The following SPPL3 variants were observed in gnomAD, a reference collection of about 807,000 sequenced individuals.
SPPL3 encodes signal peptide peptidase like 3.
A neutral mutation model predicts 42.4 loss-of-function variants in SPPL3; 5 were observed. The ratio of observed to expected loss-of-function variants is 0.12; its 90% CI spans 0.06 to 0.25. The LOEUF is 0.25. Among genes scored for constraint, SPPL3 ranks in the 10% least tolerant of loss-of-function variants. The pLI is 1.00. For missense variants in SPPL3, 235 were observed against 489.0 expected, an observed-to-expected ratio of 0.48 and a Z score of 4.90; for synonymous variants, 195 against 181.8, an observed-to-expected ratio of 1.07 and a Z score of -0.58.
At chr12:120,848,812 G>T (rs1202318551) in intron 1 of SPPL3, among the ~76,000 whole-genome samples, 2 of 152,094 alleles carry the variant, frequency 1.3e-5, no homozygotes, top group Admixed American at 6.5e-5. Context: ...TAAGAAAATA[G>T]TAAGGACAAA....
At chr12:120,843,920 T>G (rs1003130245) in intron 1 of SPPL3, among the ~76,000 whole-genome samples, 2 of 152,172 alleles carry the variant, frequency 1.3e-5, no homozygotes, top group Non-Finnish European at 2.9e-5. Flanking sequence ...GTCGCGCCAC[T>G]GCACTCCAGT....
Position 120,764,771 on chromosome 12 carries a change from C to T in SPPL3, c.*228G>A, listed in dbSNP as rs1274175485. The T allele has an allele frequency of 1.6e-5, 8 of 499,038 alleles. No individual in the cohort carries two copies. The Admixed American group carries it at 2.9e-4, about 18-fold the overall frequency. The allele number at this position is 499,038 out of a possible 1,614,324, so 30.9% of individuals were successfully genotyped here. ...AGGCGCGCTGGGGAGAGGCCTGTCC[C>T]TCTTGGAAGGGGCCCCACCTCTACA... is the stretch of plus-strand genomic sequence containing the variant. On this transcript the variant is annotated 3_prime_UTR_variant, in exon 11 of 11. Transcript: ENST00000353487.
chr12:120,864,337 C>A (rs894146826), intron 1 of SPPL3, among the ~76,000 whole-genome samples: 1 of 152,128 alleles, frequency 6.6e-6, no homozygotes, highest in Non-Finnish European at 1.5e-5. Context: ...GAGTTCAAGA[C>A]CAGCCTGGCC....
intron 1 of SPPL3, among the ~76,000 whole-genome samples, chr12:120,842,410 T>C (rs1871863153): frequency 1.3e-5 from 2 of 152,202 alleles, no homozygotes; most frequent in South Asian, 2.1e-4. Context: ...AGTTTACTCA[T>C]AGGTTATAAA....
At chr12:120,869,500 C>A (rs959389589) in intron 1 of SPPL3, among the ~76,000 whole-genome samples, 2 of 152,200 alleles carry the variant, frequency 1.3e-5, no homozygotes, top group African/African-American at 2.4e-5. Context: ...CAGACCTAAA[C>A]CCTGTCCATT....
chr12:120,783,677 T>C lies in SPPL3; in HGVS notation c.386A>G (p.Asn129Ser). The stretch of plus-strand genomic sequence containing the variant: ...GAGGAAAGTCCCAAGTCCTTACTTG[T>C]TCTGAGGTGAGCAGGGTCTTGTTAA... ...QYLTRPCSPQ[N>S]KISFGCCGRF... Residue 129 changes from asparagine to serine, a missense_variant, in exon 5 of 11, where the codon AAC (asparagine) becomes AGC (serine). By Grantham distance (46) the Asn-to-Ser change is conservative (BLOSUM62 1). Transcript: ENST00000353487. The C allele has an allele frequency of 1.9e-6, 3 of 1,612,172 alleles. No individual in the cohort carries two copies. The highest frequency in any genetic ancestry group is 1.1e-5 in the South Asian group (1 of 90,640).
At chr12:120,794,873 T>G (rs904345132) in intron 2 of SPPL3, among the ~76,000 whole-genome samples, 1 of 152,200 alleles carries the variant, frequency 6.6e-6, no homozygotes, top group Admixed American at 6.5e-5. Context: ...TCTCCTTTGT[T>G]GTCCTATGAG....
intron 1 of SPPL3, among the ~76,000 whole-genome samples, chr12:120,848,704 T>C (rs997324439): frequency 1.3e-5 from 2 of 152,214 alleles, no homozygotes; most frequent in Non-Finnish European, 2.9e-5. Flanking sequence ...TTCTCAAAAA[T>C]CACAATTAAA....
rs1394034120 is a variant in SPPL3, at chr12:120,850,513, AC to A, written c.24-39628del. Among the ~76,000 whole-genome samples the A allele has an allele frequency of 1.7e-3, 227 of 135,516 alleles. 23 individuals are homozygous for A. The highest frequency in any genetic ancestry group is 1.9e-3 in the Non-Finnish European group (122 of 63,840). 88.9% of individuals were successfully genotyped at this position (135,516 alleles called of 152,430 possible). ...CCTTTAAAAAAAAAAAAAAAAAAAAACAAAAGCCAAATGCTGCTATTCTGGA... is the reference window on the plus strand; with the variant it reads ...CCTTTAAAAAAAAAAAAAAAAAAAAAAAAAGCCAAATGCTGCTATTCTGGA... On this transcript the variant is annotated intron_variant, in intron 1 of 10. Transcript: ENST00000353487.
chr12:120,774,682 C>G (rs1260337244), intron 6 of SPPL3, among the ~76,000 whole-genome samples: 10 of 151,932 alleles, frequency 6.6e-5, no homozygotes, highest in African/African-American at 2.4e-4. Flanking sequence ...CAAGCAATGT[C>G]GTATTCCCAG....
At chr12:120,839,027 T>C (rs1871714249) in intron 1 of SPPL3, among the ~76,000 whole-genome samples, 1 of 152,144 alleles carries the variant, frequency 6.6e-6, no homozygotes, top group African/African-American at 2.4e-5. Flanking sequence ...CAAAGGACTA[T>C]AAATCACGCT....
chr12:120,857,753 C>T (rs1390946000), intron 1 of SPPL3, among the ~76,000 whole-genome samples: 5 of 152,054 alleles, frequency 3.3e-5, no homozygotes, highest in Non-Finnish European at 7.4e-5. Flanking sequence ...CACTCATAAG[C>T]GGGAACTGAA....
rs1020026493 is a variant in SPPL3 at position 120,766,190 on chromosome 12, C to A, written c.1083+73G>T. ...GGGGCTTAAGCAGAATCACCTCCAGCGAGGAGAGTGCAAACCGAGGCACAG... is the reference window on the plus strand; with the variant it reads ...GGGGCTTAAGCAGAATCACCTCCAGAGAGGAGAGTGCAAACCGAGGCACAG... On this transcript the variant is annotated intron_variant, in intron 10 of 10. Transcript: ENST00000353487. 10 of 1,245,056 alleles carry A rather than the reference C, an allele frequency of 8.0e-6. 1 individual carries two copies. Among genetic ancestry groups the A allele is most frequent in the African/African-American group, 3.0e-5 (2 of 66,472 alleles). 77.1% of individuals were successfully genotyped at this position (1,245,056 alleles called of 1,614,324 possible). A position where few individuals can be genotyped will look rare whatever the true frequency, so the allele number is the denominator to read the frequency against.
chr12:120,831,008 G>A (rs1036496250), intron 1 of SPPL3, among the ~76,000 whole-genome samples: 1 of 152,112 alleles, frequency 6.6e-6, no homozygotes, highest in African/African-American at 2.4e-5. Context: ...CCCCAGTGTG[G>A]GAGGGCATCA....
chr12:120,798,622 C>T (rs1264720438), intron 2 of SPPL3, among the ~76,000 whole-genome samples: 1 of 152,184 alleles, frequency 6.6e-6, no homozygotes, highest in Non-Finnish European at 1.5e-5. Context: ...GAAGACTGCT[C>T]CTTCCCTGTG....
chr12:120,817,558 G>A (rs543853082), intron 1 of SPPL3, among the ~76,000 whole-genome samples: 15 of 152,212 alleles, frequency 9.9e-5, no homozygotes, highest in Non-Finnish European at 1.8e-4. Context: ...ATCTTACCCT[G>A]GGTAGCAACT....
chr12:120,801,060 C>G (rs903216327), intron 2 of SPPL3, among the ~76,000 whole-genome samples: 2 of 152,152 alleles, frequency 1.3e-5, no homozygotes, highest in African/African-American at 4.8e-5. Context: ...GCTGGAAATA[C>G]AAGAATAGCT....
In SPPL3 at chr12:120,835,620, C is replaced by A. The variant is rs75636658; in HGVS notation, c.24-24734G>T. On this transcript the variant is annotated intron_variant, in intron 1 of 10. Transcript: ENST00000353487. ...AACTCTTCTCCCTCTTAAAAGATCT[C>A]TTCTATGTTGATAGTATCTTGAAAA... 6.6e-5 allele frequency: 10 copies of A among 152,338 alleles called. 1 individual carries two copies. In the East Asian group the frequency reaches 1.9e-3, roughly 29 times the overall value. The allele number at this position is 152,338 out of a possible 1,614,324, so 9.4% of individuals were successfully genotyped here. A position where few individuals can be genotyped will look rare whatever the true frequency, so the allele number is the denominator to read the frequency against.
At chr12:120,886,787 A>G (rs1264909896) in intron 1 of SPPL3, among the ~76,000 whole-genome samples, 1 of 152,152 alleles carries the variant, frequency 6.6e-6, no homozygotes, top group African/African-American at 2.4e-5. Flanking sequence ...CAGATCATAC[A>G]TGTGAGCAAA....
Sources: gnomAD v4.1 joint callset for allele counts (sites outside exome capture counted in the v4.1 genomes callset) on GRCh38, gnomAD v4.1.1 for gene constraint, MANE v1.5 for transcripts, NCBI Gene and HGNC (gene_info 2026-07-23, HGNC 2026-07-21) for gene names.